CHN2: variants seen among roughly 807,000 people sequenced by gnomAD.
CHN2 encodes the protein beta-chimaerin.
CHN2 carries 35 observed loss-of-function variants against 56.3 expected under a neutral mutation model. The observed-to-expected ratio is 0.62, with a 90% CI of 0.47 to 0.82. The LOEUF is 0.82. Ranked by LOEUF, CHN2 falls within the 40% of genes least tolerant of loss-of-function variation. CHN2 has a pLI of 0.00. For synonymous variants in CHN2, 210 were observed against 212.8 expected, an observed-to-expected ratio of 0.99 and a Z score of 0.12; for missense variants, 491 against 580.5, an observed-to-expected ratio of 0.85 and a Z score of 1.58.
intron 1 of CHN2, among the ~76,000 whole-genome samples, chr7:29,326,067 G>C (rs1248368355): frequency 1.3e-5 from 2 of 152,122 alleles, no homozygotes; most frequent in African/African-American, 4.8e-5. Flanking sequence ...ACTATAGTTG[G>C]CTGTGTGTCC....
intron 2 of CHN2, among the ~76,000 whole-genome samples, chr7:29,187,551 C>A (rs143467783): frequency 0.034 from 5,122 of 152,024 alleles, 308 homozygotes; most frequent in East Asian, 0.19. Flanking sequence ...TGGAGAAACC[C>A]CGTCTCTACT....
intron 1 of CHN2, chr7:29,200,567 T>A (rs1342378721): frequency 6.6e-6 from 1 of 150,920 alleles, no homozygotes; most frequent in Non-Finnish European, 1.5e-5. Flanking sequence ...TTTGGTTTTC[T>A]TTACTGTTCG....
chr7:29,212,928 C>A lies in CHN2; in HGVS notation c.49+17938C>A, dbSNP rs949776740. ...ACAATTCATCCTGGAGCAACCAGAC[C>A]CAGAACATCTAGTGCTGGAGCAACC... is the stretch of plus-strand genomic sequence containing the variant. On this transcript the variant is annotated intron_variant, in intron 1 of 12. Coordinates refer to ENST00000222792, the MANE Select transcript of CHN2 (RefSeq NM_004067.4). 4 of 1,610,458 alleles carry A rather than the reference C, an allele frequency of 2.5e-6. No individual in the cohort carries two copies. The African/African-American group carries it at 5.3e-5, about 22-fold the overall frequency.
chr7:29,304,441 T>C (rs1793979524), intron 1 of CHN2, among the ~76,000 whole-genome samples: 1 of 152,200 alleles, frequency 6.6e-6, no homozygotes, highest in Non-Finnish European at 1.5e-5. Flanking sequence ...CTAAACACCA[T>C]GAAACAATGT....
At chr7:29,480,400 G>A in intron 7 of CHN2, 44 bp downstream of exon 7, 1 of 1,575,180 alleles carries the variant, frequency 6.3e-7, no homozygotes, top group Non-Finnish European at 8.7e-7. Flanking sequence ...AAAAGGGCAG[G>A]TGGAAAGGTA....
At chr7:29,459,517 G>C (rs1784998808) in intron 6 of CHN2, among the ~76,000 whole-genome samples, 1 of 152,178 alleles carries the variant, frequency 6.6e-6, no homozygotes, top group Admixed American at 6.5e-5. Context: ...CCGTGGGTCA[G>C]GTGGAGAGCC....
At chr7:29,202,158 T>C (rs535756925) in intron 1 of CHN2, among the ~76,000 whole-genome samples, 66 of 152,292 alleles carry the variant, frequency 4.3e-4, no homozygotes, top group Admixed American at 2.2e-3. Context: ...TTGAATCTCC[T>C]TTAAAGACAT....
chr7:29,431,285 A>G (rs768556543), intron 6 of CHN2, among the ~76,000 whole-genome samples: 1 of 152,204 alleles, frequency 6.6e-6, no homozygotes. Flanking sequence ...TATTTTGACA[A>G]TCAGAATTCC....
intron 1 of CHN2, among the ~76,000 whole-genome samples, chr7:29,299,197 T>C (rs186075336): frequency 6.6e-6 from 1 of 152,172 alleles, no homozygotes; most frequent in African/African-American, 2.4e-5. Flanking sequence ...GTGCTCCCAC[T>C]GCGTAGACCG....
chr7:29,178,528 C>T (rs776964343), intron 2 of CHN2, among the ~76,000 whole-genome samples: 1 of 152,198 alleles, frequency 6.6e-6, no homozygotes, highest in East Asian at 1.9e-4. Context: ...TGAAATGTCA[C>T]ATCCTCCGAG....
chr7:29,478,409 T>C (rs28589708), intron 6 of CHN2, among the ~76,000 whole-genome samples: 5,499 of 152,124 alleles, frequency 0.036, 300 homozygotes, highest in African/African-American at 0.12. Flanking sequence ...TGTAGAGCGA[T>C]GTGTAAGGTG....
At chr7:29,461,027 A>G (rs1785127997) in intron 6 of CHN2, among the ~76,000 whole-genome samples, 1 of 152,246 alleles carries the variant, frequency 6.6e-6, no homozygotes, top group Non-Finnish European at 1.5e-5. Context: ...GCTGTGTAGC[A>G]TAAATGGTTA....
In CHN2 at chr7:29,354,543, CTGT is replaced by C. The variant is rs1229521979; in HGVS notation, c.50-77_50-75del. The C allele has an allele frequency of 1.4e-5, 18 of 1,245,944 alleles. No individual in the cohort carries two copies. In the East Asian group the frequency reaches 3.8e-4, roughly 26 times the overall value. The allele number at this position is 1,245,944 out of a possible 1,614,324, so 77.2% of individuals were successfully genotyped here. A position where few individuals can be genotyped will look rare whatever the true frequency, so the allele number is the denominator to read the frequency against. ...CCCGCATGCAAGTACTGTGGACAGA[CTGT>C]TGTTCCTCCAGAGAAGACACATGTT... On this transcript the variant is annotated intron_variant, in intron 1 of 12. Transcript: ENST00000222792.
At chr7:29,376,063 C>T (rs972333851) in intron 3 of CHN2, among the ~76,000 whole-genome samples, 1 of 152,216 alleles carries the variant, frequency 6.6e-6, no homozygotes, top group African/African-American at 2.4e-5. Flanking sequence ...CCTGTCCAAC[C>T]AAGCACTGAG....
intron 6 of CHN2, among the ~76,000 whole-genome samples, chr7:29,452,852 A>C (rs530974799): frequency 3.2e-4 from 48 of 152,198 alleles, no homozygotes; most frequent in Non-Finnish European, 3.5e-4. Context: ...AAGTGAGGAG[A>C]AATCAGAGAA....
chr7:29,341,339 G>A (rs192898722), intron 1 of CHN2, among the ~76,000 whole-genome samples: 29 of 152,242 alleles, frequency 1.9e-4, no homozygotes, highest in East Asian at 1.4e-3. Flanking sequence ...ACTGGCTGCC[G>A]ACATGCCCAT....
intron 1 of CHN2, chr7:29,335,851 T>C (rs1238387409): frequency 6.6e-6 from 1 of 152,256 alleles, no homozygotes; most frequent in Non-Finnish European, 1.5e-5. Flanking sequence ...TCCTCCACTT[T>C]AATAGTGGTC....
chr7:29,200,510 T>C (rs973462283), intron 1 of CHN2, among the ~76,000 whole-genome samples: 2 of 135,640 alleles, frequency 1.5e-5, no homozygotes, highest in Admixed American at 1.5e-4. Flanking sequence ...TTCTCTCATC[T>C]GTTGTTGGTC....
chr7:29,396,601 G>T (rs1348757635), intron 4 of CHN2: 1 of 152,134 alleles, frequency 6.6e-6, no homozygotes, highest in Non-Finnish European at 1.5e-5. Context: ...TTGTTACTCT[G>T]GCCCACGGGC....
Sources: gnomAD v4.1 joint callset for allele counts (sites outside exome capture counted in the v4.1 genomes callset) on GRCh38, gnomAD v4.1.1 for gene constraint, MANE v1.5 for transcripts, NCBI Gene and HGNC (gene_info 2026-07-23, HGNC 2026-07-21) for gene names.